Variants in DIP2C observed in about 807,000 individuals in gnomAD.
The protein encoded by DIP2C is DIP2 acetate--CoA ligase C (putative).
In DIP2C, 33 loss-of-function variants were observed where a neutral mutation model predicts 192.4. That is an observed-to-expected ratio of 0.17 (90% CI 0.13 to 0.23). DIP2C has a LOEUF of 0.23. Among genes scored for constraint, DIP2C ranks in the 10% least tolerant of loss-of-function variants. The probability of loss-of-function intolerance (pLI) is 1.00; values close to 1 mark genes in which losing one functional copy is unlikely to be tolerated. For missense variants in DIP2C, 1,537 were observed against 2,110.1 expected (o/e 0.73, Z 5.32); for synonymous variants, 979 against 864.1 (o/e 1.13, Z -2.33).
intron 1 of DIP2C, among the ~76,000 whole-genome samples, chr10:674,785 T>TAGAGAG (rs778232277): frequency 2.6e-4 from 24 of 92,028 alleles, no homozygotes; most frequent in African/African-American, 1.4e-3. Flanking sequence ...TATATATATA[T>TAGAGAG]ATATAGAGAG....
intron 14 of DIP2C, among the ~76,000 whole-genome samples, chr10:387,407 T>C (rs1963045365): frequency 1.3e-5 from 2 of 152,178 alleles, no homozygotes; most frequent in African/African-American, 4.8e-5. Context: ...TAGGCAAATC[T>C]AGGCATTTGT....
At chr10:605,702 A>C (rs978838901) in intron 1 of DIP2C, among the ~76,000 whole-genome samples, 2 of 152,198 alleles carry the variant, frequency 1.3e-5, no homozygotes, top group African/African-American at 4.8e-5. Context: ...GAACTACTCA[A>C]TCACCCACAT....
intron 17 of DIP2C, among the ~76,000 whole-genome samples, chr10:378,016 C>T (rs775680016): frequency 3.9e-5 from 6 of 152,108 alleles, no homozygotes; most frequent in South Asian, 2.1e-4. Flanking sequence ...GAGATGGTAA[C>T]AGAGTCAGAT....
chr10:449,954 A>G (rs950619166), intron 3 of DIP2C, among the ~76,000 whole-genome samples: 12 of 151,780 alleles, frequency 7.9e-5, no homozygotes, highest in African/African-American at 2.9e-4. Context: ...TGAGAACAAG[A>G]TATCATTGTG....
At chr10:688,912 G>T (rs892586668) in intron 1 of DIP2C, among the ~76,000 whole-genome samples, 1 of 151,978 alleles carries the variant, frequency 6.6e-6, no homozygotes, top group African/African-American at 2.4e-5. Flanking sequence ...CCCGGGCCGC[G>T]CCAGGACCGC....
At chr10:488,459 G>A (rs1421744206) in intron 1 of DIP2C, among the ~76,000 whole-genome samples, 1 of 152,114 alleles carries the variant, frequency 6.6e-6, no homozygotes, top group Non-Finnish European at 1.5e-5. Flanking sequence ...CCTCACCCAG[G>A]ACCACAAATC....
intron 1 of DIP2C, among the ~76,000 whole-genome samples, chr10:615,628 C>CG (rs201487981): frequency 2.7e-5 from 4 of 150,288 alleles, no homozygotes; most frequent in Non-Finnish European, 5.9e-5. Context: ...CACACACACC[C>CG]GCCCCACACA....
intron 2 of DIP2C, among the ~76,000 whole-genome samples, chr10:480,384 A>G (rs1291010709): frequency 1.7e-5 from 2 of 118,128 alleles, no homozygotes; most frequent in East Asian, 2.9e-4. Flanking sequence ...CTCACTGGAT[A>G]AGACTCATCC....
rs184484142 is a variant in DIP2C at position 563,894 on chromosome 10, T to G, written c.86-77364A>C. On this transcript the variant is annotated intron_variant, in intron 1 of 36. Transcript: ENST00000280886. ...AGTGTGAGTCATTTTCCTTAGTTCT[T>G]AATGTGTCAAAAATCCCAACACTGC... Among the ~76,000 whole-genome samples, 37 of 152,322 alleles carry G rather than the reference T, an allele frequency of 2.4e-4. No homozygotes were observed. The East Asian group carries it at 6.7e-3, about 28-fold the overall frequency.
At chr10:569,635 T>C (rs1849661256) in intron 1 of DIP2C, among the ~76,000 whole-genome samples, 1 of 152,152 alleles carries the variant, frequency 6.6e-6, no homozygotes, top group Admixed American at 6.5e-5. Context: ...CAAATACCAC[T>C]ACACCATCAC....
At position 428,253 on chromosome 10, in the gene DIP2C, CCTTT is replaced by C. The variant is rs367976744; in HGVS notation, c.395-5224_395-5221del. ...TTCCAGAAAATTTGATTTCTAGGGTCCTTTCTTTTTCATAGAGCTAACCTTTCAT... is the reference window on the plus strand; with the variant it reads ...TTCCAGAAAATTTGATTTCTAGGGTCCTTTTTCATAGAGCTAACCTTTCAT... On this transcript the variant is annotated intron_variant, in intron 4 of 36. Coordinates refer to ENST00000280886, the MANE Select transcript of DIP2C (RefSeq NM_014974.3). 4.9e-4 allele frequency among the ~76,000 whole-genome samples: 75 copies of C among 152,130 alleles called. 1 individual carries two copies. Among genetic ancestry groups the C allele is most frequent in the South Asian group, 1.2e-3 (6 of 4,812 alleles).
At chr10:389,217 G>A (rs1046710239) in intron 13 of DIP2C, among the ~76,000 whole-genome samples, 7 of 152,030 alleles carry the variant, frequency 4.6e-5, no homozygotes, top group African/African-American at 9.7e-5. Flanking sequence ...GTTCTCAAGG[G>A]GTCTCAAAGG....
At chr10:529,052 C>T (rs936347225) in intron 1 of DIP2C, among the ~76,000 whole-genome samples, 3 of 152,220 alleles carry the variant, frequency 2.0e-5, no homozygotes, top group African/African-American at 7.2e-5. Flanking sequence ...GCGCTGCCGG[C>T]ATCTCCCTAG....
At chr10:444,371 CAA>C (rs1424453140) in intron 3 of DIP2C, among the ~76,000 whole-genome samples, 1 of 117,742 alleles carries the variant, frequency 8.5e-6, no homozygotes, top group Admixed American at 7.6e-5. Context: ...AGTGTTCACT[CAA>C]GAGACAGCCA....
Position 651,838 on chromosome 10 carries a change from A to T in DIP2C, c.85+37656T>A, listed in dbSNP as rs1032025092. Reference sequence around the variant, plus strand: ...GAGAGAGATGGTGTGGGGCGAAACCAATGGGGAAACTACAAAAGAAACCAC... The same window carrying T: ...GAGAGAGATGGTGTGGGGCGAAACCTATGGGGAAACTACAAAAGAAACCAC... On this transcript the variant is annotated intron_variant, in intron 1 of 36. Coordinates refer to ENST00000280886, the MANE Select transcript of DIP2C (RefSeq NM_014974.3). This position sits in a 1 kb window ranked among gnomAD's most constrained non-coding sequence, Gnocchi z 4.1. 18 of 217,918 alleles carry T rather than the reference A, an allele frequency of 8.3e-5. No homozygotes were observed. The highest frequency in any genetic ancestry group is 4.0e-4 in the South Asian group (6 of 14,884). The allele number at this position is 217,918 out of a possible 1,614,324, so 13.5% of individuals were successfully genotyped here.
rs35579269 is a variant in DIP2C, at chr10:483,962, A to AC, written c.157+2496dup. Among the ~76,000 whole-genome samples, 730 of 152,116 alleles carry AC rather than the reference A, an allele frequency of 4.8e-3. 4 individuals carry two copies. The highest frequency in any genetic ancestry group is 8.3e-3 in the Non-Finnish European group (564 of 67,970). On this transcript the variant is annotated intron_variant, in intron 2 of 36. Coordinates refer to ENST00000280886, the MANE Select transcript of DIP2C (RefSeq NM_014974.3). ...CTCCCATATAGCTGGGATCACAGGC[A>AC]CCCACCATCATGCCTAATTTTTTCT...
At chr10:513,179 T>TGCTGTA (rs58440293) in intron 1 of DIP2C, among the ~76,000 whole-genome samples, 66,741 of 151,456 alleles carry the variant, frequency 0.44, 15,890 homozygotes, top group East Asian at 0.66. Context: ...TCCCTTCAGG[T>TGCTGTA]GCTGTATGCC....
At chr10:360,052 G>A (rs1231621529) in intron 22 of DIP2C, among the ~76,000 whole-genome samples, 3 of 152,212 alleles carry the variant, frequency 2.0e-5, no homozygotes, top group Non-Finnish European at 2.9e-5. Context: ...ATTCAGACTG[G>A]GGTAGGGAAA....
chr10:530,186 A>G (rs1847282403), intron 1 of DIP2C, among the ~76,000 whole-genome samples: 1 of 152,226 alleles, frequency 6.6e-6, no homozygotes, highest in African/African-American at 2.4e-5. Context: ...GAGGAGATGC[A>G]GCACGTGAGC....
Sources: allele counts gnomAD v4.1 joint callset (sites outside exome capture counted in the v4.1 genomes callset), GRCh38; gene constraint gnomAD v4.1.1; non-coding constraint Gnocchi (gnomAD v3.1); transcripts MANE v1.5; gene names NCBI Gene and HGNC (gene_info 2026-07-23, HGNC 2026-07-21).